The following ZBTB44 variants were observed in gnomAD, a reference collection of about 807,000 sequenced individuals.
The protein encoded by ZBTB44 is zinc finger and BTB domain-containing protein 44.
A neutral mutation model predicts 54.0 loss-of-function variants in ZBTB44; 15 were observed. The observed-to-expected ratio is 0.28, with a 90% confidence interval of 0.19 to 0.43. The LOEUF is 0.43. Ranked by LOEUF, ZBTB44 falls within the 20% of genes least tolerant of loss-of-function variation. The pLI is 1.00. For synonymous variants in ZBTB44, 230 were observed against 250.1 expected (o/e 0.92, Z 0.76); for missense variants, 487 against 707.1 (o/e 0.69, Z 3.53).
At chr11:130,288,373 C>T (rs538644671) in intron 1 of ZBTB44, among the ~76,000 whole-genome samples, 10 of 148,360 alleles carry the variant, frequency 6.7e-5, no homozygotes, top group South Asian at 6.4e-4. Flanking sequence ...GACTCTGTCT[C>T]GGGAAAAAAA....
chr11:130,307,932 G>T (rs1192188933), intron 1 of ZBTB44, among the ~76,000 whole-genome samples: 2 of 152,098 alleles, frequency 1.3e-5, no homozygotes, highest in African/African-American at 4.8e-5. Context: ...CACTATATTG[G>T]TCAGGCTGGT....
rs71061377 is a variant in ZBTB44, at chr11:130,283,969, C to CAAAAAAAAAAAAAAAAAAAAAA, written c.-56-22062_-56-22041dup. Among the ~76,000 whole-genome samples, 13 of 45,176 alleles carry CAAAAAAAAAAAAAAAAAAAAAA rather than the reference C, an allele frequency of 2.9e-4. 1 individual carries two copies. The highest frequency in any genetic ancestry group is 2.7e-3 in the South Asian group (3 of 1,130). The allele number at this position is 45,176 out of a possible 152,430, so 29.6% of individuals were successfully genotyped here. On this transcript the variant is annotated intron_variant, in intron 1 of 7. Coordinates refer to ENST00000357899, the MANE Select transcript of ZBTB44 (RefSeq NM_001301098.2). ...TGGGTGACAGAGTAAGACTCCATCTCAAAAAAAAAAAAAAAAAAAAAAAAA... is the reference window on the plus strand; with the variant it reads ...TGGGTGACAGAGTAAGACTCCATCTCAAAAAAAAAAAAAAAAAAAAAAAAAAAAAAAAAAAAAAAAAAAAAAA...
At chr11:130,248,326 T>A (rs1422798566) in intron 2 of ZBTB44, among the ~76,000 whole-genome samples, 1 of 152,158 alleles carries the variant, frequency 6.6e-6, no homozygotes, top group Non-Finnish European at 1.5e-5. Flanking sequence ...ATTAGTACAT[T>A]TGCCATGAAG....
intron 5 of ZBTB44, among the ~76,000 whole-genome samples, chr11:130,234,723 C>T (rs529810365): frequency 1.3e-5 from 2 of 152,150 alleles, no homozygotes; most frequent in South Asian, 2.1e-4. Context: ...AAACTAAGTC[C>T]TTATGCATAA....
At chr11:130,243,575 C>G (rs1954485794) in intron 2 of ZBTB44, among the ~76,000 whole-genome samples, 1 of 152,134 alleles carries the variant, frequency 6.6e-6, no homozygotes, top group Admixed American at 6.6e-5. Context: ...TCTACAGTCC[C>G]CTGGAGTTTG....
At chr11:130,273,821 C>A (rs1479760720) in intron 1 of ZBTB44, among the ~76,000 whole-genome samples, 2 of 152,106 alleles carry the variant, frequency 1.3e-5, no homozygotes, top group Non-Finnish European at 2.9e-5. Context: ...GTAATCCCAG[C>A]ACTTTGGGAG....
chr11:130,276,889 C>G (rs1856313964), intron 1 of ZBTB44, among the ~76,000 whole-genome samples: 1 of 152,116 alleles, frequency 6.6e-6, no homozygotes, highest in African/African-American at 2.4e-5. Flanking sequence ...ACCCTTTTAT[C>G]CTTATAAAAC....
At chr11:130,240,001 T>C in intron 2 of ZBTB44, 105 bp from the exon 3 acceptor site, 3 of 744,960 alleles carry the variant, frequency 4.0e-6, no homozygotes, top group South Asian at 3.4e-5. Flanking sequence ...TATTATCTAG[T>C]GTTCATATCC....
At chr11:130,298,089 C>T (rs767668090) in intron 1 of ZBTB44, among the ~76,000 whole-genome samples, 15 of 151,568 alleles carry the variant, frequency 9.9e-5, no homozygotes, top group Non-Finnish European at 2.2e-4. Context: ...AATGTGTATG[C>T]TTCAAAATAA....
At chr11:130,287,726 T>C (rs913768373) in intron 1 of ZBTB44, among the ~76,000 whole-genome samples, 1 of 152,006 alleles carries the variant, frequency 6.6e-6, no homozygotes, top group African/African-American at 2.4e-5. Flanking sequence ...TGGAAAAACT[T>C]TGGAGTATGT....
At chr11:130,291,380 G>A (rs541369989) in intron 1 of ZBTB44, among the ~76,000 whole-genome samples, 64 of 152,168 alleles carry the variant, frequency 4.2e-4, no homozygotes, top group African/African-American at 1.5e-3. Flanking sequence ...CTTGGGATCC[G>A]CCCACCTCGG....
intron 2 of ZBTB44, among the ~76,000 whole-genome samples, chr11:130,240,347 A>G (rs537738941): frequency 4.6e-5 from 7 of 152,176 alleles, no homozygotes; most frequent in Non-Finnish European, 7.4e-5. Context: ...GCCGTGTTCT[A>G]TATTTTTAAA....
chr11:130,253,639 A>T (rs2136377160), intron 2 of ZBTB44, among the ~76,000 whole-genome samples: 1 of 152,344 alleles, frequency 6.6e-6, no homozygotes, highest in African/African-American at 2.4e-5. Context: ...AAATGGCCAT[A>T]CTGCCCAAGG....
chr11:130,289,463 T>C (rs1003832885), intron 1 of ZBTB44, among the ~76,000 whole-genome samples: 18 of 132,738 alleles, frequency 1.4e-4, no homozygotes, highest in East Asian at 4.3e-4. Context: ...TCCAGGGCAA[T>C]AGAGCAAGAC....
At chr11:130,236,690 C>G (rs1954124537) in intron 5 of ZBTB44, 103 bp downstream of exon 5, 1 of 1,202,536 alleles carries the variant, frequency 8.3e-7, no homozygotes. Context: ...ATGTGACTGA[C>G]TAGCTGGCAA....
At chr11:130,313,925 T>C (rs939912128) in intron 1 of ZBTB44, among the ~76,000 whole-genome samples, 6 of 120,070 alleles carry the variant, frequency 5.0e-5, no homozygotes, top group African/African-American at 1.9e-4. Context: ...TGTGTGTGTA[T>C]GTGTGTGTGT....
intron 2 of ZBTB44, among the ~76,000 whole-genome samples, chr11:130,257,068 C>T (rs1220294003): frequency 6.6e-6 from 1 of 151,934 alleles, no homozygotes; most frequent in Non-Finnish European, 1.5e-5. Context: ...ACAACTTCAG[C>T]AAAGTCTCGG....
At chr11:130,239,738 T>G in intron 3 of ZBTB44, 74 bp downstream of exon 3, 348 of 1,198,344 alleles carry the variant, frequency 2.9e-4, no homozygotes, top group Non-Finnish European at 3.7e-4. Context: ...CTACAACTCT[T>G]GAGATGAAAT....
intron 2 of ZBTB44, among the ~76,000 whole-genome samples, chr11:130,243,983 ACT>A (rs1256219890): frequency 2.0e-5 from 3 of 151,992 alleles, no homozygotes; most frequent in African/African-American, 7.2e-5. Context: ...ACTTTTACAC[ACT>A]CTGAGCTTTC....
Sources: allele counts gnomAD v4.1 joint callset (sites outside exome capture counted in the v4.1 genomes callset), GRCh38; gene constraint gnomAD v4.1.1; transcripts MANE v1.5; gene names NCBI Gene and HGNC (gene_info 2026-07-23, HGNC 2026-07-21).